Variants in XYLT1 observed in about 807,000 individuals in gnomAD.
The protein encoded by XYLT1 is beta-D-xylosyltransferase 1.
A neutral mutation model predicts 91.3 loss-of-function variants in XYLT1; 36 were observed. The observed-to-expected ratio is 0.39, with a 90% CI of 0.30 to 0.52. The LOEUF (loss-of-function observed/expected upper bound fraction) is 0.52. Among genes scored for constraint, XYLT1 ranks in the 20% least tolerant of loss-of-function variants. The pLI is 0.68. For synonymous variants in XYLT1, 588 were observed against 532.0 expected (o/e 1.11, Z -1.45); for missense variants, 1,242 against 1,284.5 (o/e 0.97, Z 0.51).
At chr16:17,406,367 T>C (rs1567191893) in intron 1 of XYLT1, among the ~76,000 whole-genome samples, 1 of 152,200 alleles carries the variant, frequency 6.6e-6, no homozygotes, top group Non-Finnish European at 1.5e-5. Flanking sequence ...CTCCCCATAA[T>C]GAACAGCTGT....
intron 1 of XYLT1, among the ~76,000 whole-genome samples, chr16:17,445,268 T>C (rs564232535): frequency 3.0e-3 from 456 of 152,156 alleles, no homozygotes; most frequent in South Asian, 5.6e-3. Flanking sequence ...AGTGCTGGGA[T>C]TACAGGCATC....
intron 2 of XYLT1, among the ~76,000 whole-genome samples, chr16:17,259,741 C>T (rs762628404): frequency 1.3e-5 from 2 of 152,206 alleles, no homozygotes; most frequent in Non-Finnish European, 2.9e-5. Flanking sequence ...GCCATGACTA[C>T]GATTCTCAAT....
At chr16:17,373,522 T>A (rs1045402895) in intron 1 of XYLT1, among the ~76,000 whole-genome samples, 2 of 152,258 alleles carry the variant, frequency 1.3e-5, no homozygotes, top group Non-Finnish European at 2.9e-5. Context: ...CCACACACTT[T>A]TAAGCCAGCT....
intron 3 of XYLT1, among the ~76,000 whole-genome samples, chr16:17,203,386 C>A (rs183526243): frequency 6.6e-6 from 1 of 151,542 alleles, no homozygotes; most frequent in African/African-American, 2.4e-5. Flanking sequence ...ATTCATCGAT[C>A]GAAATCCAAC....
intron 5 of XYLT1, among the ~76,000 whole-genome samples, chr16:17,161,438 C>T (rs9940570): frequency 0.074 from 11,222 of 151,948 alleles, 457 homozygotes; most frequent in African/African-American, 0.089. Context: ...CCCCTGCCTA[C>T]CCCCCTTGCT....
intron 1 of XYLT1, among the ~76,000 whole-genome samples, chr16:17,416,702 C>A (rs915585203): frequency 6.6e-6 from 1 of 152,148 alleles, no homozygotes; most frequent in African/African-American, 2.4e-5. Context: ...CTCAGTTCTG[C>A]GGGAGAGCAG....
chr16:17,313,544 T>G (rs1027615880), intron 2 of XYLT1, among the ~76,000 whole-genome samples: 3 of 152,220 alleles, frequency 2.0e-5, no homozygotes, highest in Non-Finnish European at 4.4e-5. Flanking sequence ...CTTAGACCCA[T>G]GCACACAGCT....
chr16:17,321,780 G>A (rs574631846), intron 2 of XYLT1, among the ~76,000 whole-genome samples: 240 of 152,130 alleles, frequency 1.6e-3, no homozygotes, highest in African/African-American at 5.6e-3. Flanking sequence ...GAATCTACTC[G>A]GTAGAGACCA....
At chr16:17,378,402 C>A (rs552293958) in intron 1 of XYLT1, among the ~76,000 whole-genome samples, 1 of 152,208 alleles carries the variant, frequency 6.6e-6, no homozygotes, top group Non-Finnish European at 1.5e-5. Context: ...GAGGCCAGGA[C>A]CTTGCAGAGA....
chr16:17,347,170 A>G (rs1458899241), intron 2 of XYLT1, among the ~76,000 whole-genome samples: 1 of 152,144 alleles, frequency 6.6e-6, no homozygotes, highest in Non-Finnish European at 1.5e-5. Flanking sequence ...AGGACAGTTA[A>G]CATTTCCTGG....
Position 17,259,267 on chromosome 16 carries a change from C to G in XYLT1, c.634G>C (p.Gly212Arg), listed in dbSNP as rs749715089. The change falls in exon 3 of 12, where the codon GGC becomes CGC. Residue 212 changes from glycine (G) to arginine (R), a missense_variant. By Grantham distance (125) the Gly-to-Arg change is moderately radical. Transcript: ENST00000261381. ...CCGGGAGGCAGCACCTCACCGGGGCCTTTCCCAGGGAATGTATGTCCTTTT... is the reference window on the plus strand; with the variant it reads ...CCGGGAGGCAGCACCTCACCGGGGCGTTTCCCAGGGAATGTATGTCCTTTT... ...KGKGHTFPGK[G>R]PGEVLPPGDR... 2.5e-6 allele frequency: 4 copies of G among 1,614,050 alleles called. No individual in the cohort carries two copies. In the South Asian group the frequency reaches 4.4e-5, roughly 18 times the overall value.
intron 11 of XYLT1, 83 bp downstream of exon 11, chr16:17,117,563 G>A: frequency 7.0e-7 from 1 of 1,433,128 alleles, no homozygotes; most frequent in South Asian, 1.3e-5. Flanking sequence ...CTATGTCTGA[G>A]CAGTGCTGCC....
In XYLT1 at chr16:17,312,251, G is replaced by T. The variant is rs930178010; in HGVS notation, c.402+45761C>A. Among the ~76,000 whole-genome samples, 10 of 152,164 alleles carry T rather than the reference G, an allele frequency of 6.6e-5. No individual in the cohort carries two copies. Among genetic ancestry groups the T allele is most frequent in the African/African-American group, 2.4e-4 (10 of 41,430 alleles). ...CTGCTGTGCCCAGAGCTCAGGCCAG[G>T]TAGGAGGGAGATCCAGGGGAAGGGT... On this transcript the variant is annotated intron_variant, in intron 2 of 11. Transcript: ENST00000261381. This position sits in a 1 kb window ranked among gnomAD's most constrained non-coding sequence, Gnocchi z 4.4.
intron 3 of XYLT1, among the ~76,000 whole-genome samples, chr16:17,231,033 A>G (rs2033149754): frequency 6.6e-6 from 1 of 152,210 alleles, no homozygotes; most frequent in African/African-American, 2.4e-5. Flanking sequence ...GATGCTCTTG[A>G]TCATTTATCT....
At chr16:17,112,183 C>T (rs371094553) in intron 11 of XYLT1, among the ~76,000 whole-genome samples, 3 of 152,128 alleles carry the variant, frequency 2.0e-5, no homozygotes, top group East Asian at 1.9e-4. Flanking sequence ...TATTAGCTTG[C>T]GATGCTCGTC....
intron 1 of XYLT1, among the ~76,000 whole-genome samples, chr16:17,421,173 T>C (rs1470055664): frequency 6.6e-6 from 1 of 152,208 alleles, no homozygotes; most frequent in East Asian, 1.9e-4. Flanking sequence ...TATATTTCGA[T>C]CTTAGGAGAA....
chr16:17,341,063 G>C (rs1256876127), intron 2 of XYLT1, among the ~76,000 whole-genome samples: 2 of 152,208 alleles, frequency 1.3e-5, no homozygotes, highest in Non-Finnish European at 2.9e-5. Context: ...GACCGGAGAT[G>C]TGAAGAAACC....
chr16:17,339,178 T>G (rs2035031261), intron 2 of XYLT1, among the ~76,000 whole-genome samples: 1 of 152,226 alleles, frequency 6.6e-6, no homozygotes, highest in African/African-American at 2.4e-5. Flanking sequence ...TTCTGGAATC[T>G]GTGAGTTTGG....
Position 17,117,829 on chromosome 16 carries a change from C to T in XYLT1, c.2374G>A (p.Ala792Thr), listed in dbSNP as rs766434865. Residue 792 changes from alanine (A) to threonine (T), a missense_variant, in exon 11 of 12, where the codon GCA becomes ACA. By Grantham distance (58) the Ala-to-Thr change is moderately conservative. Around this residue, in one of 3 missense-constraint regions of XYLT1, gnomAD observed 511 missense variants for 497.0 expected, o/e 1.03. Coordinates refer to ENST00000261381, the MANE Select transcript of XYLT1 (RefSeq NM_022166.4). Reference sequence around the variant, plus strand: ...TCAATGAGGATGTCGTAGGTGGCTGCGATGACATTGACGGGATCCACCCAA... The same window carrying T: ...TCAATGAGGATGTCGTAGGTGGCTGTGATGACATTGACGGGATCCACCCAA... Reference protein sequence around the residue: ...VIWVDPVNVIAATYDILIEST... With the variant: ...VIWVDPVNVITATYDILIEST... 13 of 1,613,958 alleles carry T rather than the reference C, an allele frequency of 8.1e-6. No individual in the cohort carries two copies. Among genetic ancestry groups the T allele is most frequent in the African/African-American group, 6.7e-5 (5 of 74,894 alleles).
Sources: allele counts gnomAD v4.1 joint callset (sites outside exome capture counted in the v4.1 genomes callset), GRCh38; gene constraint gnomAD v4.1.1; regional missense constraint gnomAD v4.1.1; non-coding constraint Gnocchi (gnomAD v3.1); transcripts MANE v1.5; gene names NCBI Gene and HGNC (gene_info 2026-07-23, HGNC 2026-07-21).